The following TNS3 variants were observed in gnomAD, a reference collection of about 807,000 sequenced individuals.
TNS3 encodes tensin-3.
Under a neutral mutation model 140.9 loss-of-function variants are expected in TNS3, and 45 were observed. The ratio of observed to expected loss-of-function variants is 0.32; its 90% CI spans 0.25 to 0.41. TNS3 has a LOEUF of 0.41. Ranked by LOEUF, TNS3 falls within the 10% of genes least tolerant of loss-of-function variation. The pLI is 1.00. For synonymous variants in TNS3, 815 were observed against 788.4 expected (o/e 1.03, Z -0.56); for missense variants, 1,716 against 1,906.7 (o/e 0.90, Z 1.86).
intron 23 of TNS3, among the ~76,000 whole-genome samples, chr7:47,297,690 C>T (rs188412718): frequency 5.3e-5 from 8 of 152,200 alleles, no homozygotes; most frequent in Admixed American, 3.9e-4. Context: ...CGCAGAACAC[C>T]CTGCCTCTGC....
chr7:47,447,248 A>ATGTTTGTT (rs3037478), intron 4 of TNS3, among the ~76,000 whole-genome samples: 9,407 of 149,128 alleles, frequency 0.063, 360 homozygotes, highest in Non-Finnish European at 0.073. Flanking sequence ...GGTTCCACAT[A>ATGTTTGTT]TGTTTGTTTG....
At chr7:47,503,569 A>C (rs1369534144) in intron 3 of TNS3, among the ~76,000 whole-genome samples, 1 of 140,298 alleles carries the variant, frequency 7.1e-6, no homozygotes, top group Non-Finnish European at 1.5e-5. Context: ...AAGTGATTGT[A>C]CATACATTAT....
Position 47,447,877 on chromosome 7 carries a change from G to A in TNS3, c.-75-5822C>T, listed in dbSNP as rs553428211. Among the ~76,000 whole-genome samples, 3 of 152,340 alleles carry A rather than the reference G, an allele frequency of 2.0e-5. No homozygotes were observed. The East Asian group carries it at 5.8e-4, about 29-fold the overall frequency. ...AGAACCATGCTTTCCACTGTGAACT[G>A]CGGCTTCTTGCTCAGGAGGACAGCC... On this transcript the variant is annotated intron_variant, in intron 4 of 30. Coordinates refer to ENST00000311160, the MANE Select transcript of TNS3 (RefSeq NM_022748.12).
intron 1 of TNS3, among the ~76,000 whole-genome samples, chr7:47,555,550 CT>C (rs1233228365): frequency 6.6e-6 from 1 of 152,176 alleles, no homozygotes; most frequent in Non-Finnish European, 1.5e-5. Context: ...ACAGAGAAGT[CT>C]TTCATGAAGG....
intron 13 of TNS3, among the ~76,000 whole-genome samples, chr7:47,411,015 C>G (rs1475519208): frequency 6.6e-6 from 1 of 152,176 alleles, no homozygotes; most frequent in Non-Finnish European, 1.5e-5. Context: ...TGTAATTGCA[C>G]CAGCTGTATT....
At chr7:47,547,232 G>T (rs149596690) in intron 1 of TNS3, among the ~76,000 whole-genome samples, 3,292 of 152,290 alleles carry the variant, frequency 0.022, 63 homozygotes, top group Middle Eastern at 0.041. Context: ...AGAGGCTCAG[G>T]AGCAAAGGGT....
chr7:47,514,603 A>C (rs1798718947), intron 2 of TNS3, among the ~76,000 whole-genome samples: 1 of 147,052 alleles, frequency 6.8e-6, no homozygotes. Flanking sequence ...TCCTTTCTCA[A>C]CTCTCATCTC....
At chr7:47,540,532 T>C (rs915749944) in intron 1 of TNS3, among the ~76,000 whole-genome samples, 2 of 152,098 alleles carry the variant, frequency 1.3e-5, no homozygotes, top group Non-Finnish European at 2.9e-5. Context: ...CACACGATCA[T>C]GCATTCACCC....
intron 1 of TNS3, among the ~76,000 whole-genome samples, chr7:47,569,500 C>T (rs1397748306): frequency 1.3e-5 from 2 of 151,020 alleles, no homozygotes; most frequent in African/African-American, 4.9e-5. Flanking sequence ...GCCAAGATGG[C>T]GCCACTGCAC....
At chr7:47,389,113 A>AGCG (rs1256844372) in intron 16 of TNS3, among the ~76,000 whole-genome samples, 79 of 5,178 alleles carry the variant, frequency 0.015, 26 homozygotes, top group Non-Finnish European at 0.092. Context: ...CGGAAGCAGA[A>AGCG]GAAGAAGAAG....
intron 3 of TNS3, among the ~76,000 whole-genome samples, chr7:47,488,854 T>C (rs1797706950): frequency 6.6e-6 from 1 of 152,266 alleles, no homozygotes; most frequent in East Asian, 1.9e-4. Context: ...CAAGGCTGCT[T>C]TTCCAATGGT....
chr7:47,287,607 G>T (rs2150580695), intron 27 of TNS3, among the ~76,000 whole-genome samples: 1 of 152,300 alleles, frequency 6.6e-6, no homozygotes, highest in African/African-American at 2.4e-5. Flanking sequence ...CTAAACACCT[G>T]CAGCCAATCC....
chr7:47,418,830 C>T lies in TNS3; in HGVS notation c.474-3624G>A, dbSNP rs140427383. On this transcript the variant is annotated intron_variant, in intron 10 of 30. Coordinates refer to ENST00000311160, the MANE Select transcript of TNS3 (RefSeq NM_022748.12). Reference sequence around the variant, plus strand: ...CCCTAAACATTTGAGTTGCACTAGACGTTAGCTTAAATCTGTCTGAAATGG... The same window carrying T: ...CCCTAAACATTTGAGTTGCACTAGATGTTAGCTTAAATCTGTCTGAAATGG... 1.5e-3 allele frequency among the ~76,000 whole-genome samples: 221 copies of T among 152,390 alleles called. 3 individuals are homozygous for T. Among genetic ancestry groups the T allele is most frequent in the African/African-American group, 4.8e-3 (201 of 41,590 alleles).
At chr7:47,534,020 T>A (rs1421690063) in intron 1 of TNS3, among the ~76,000 whole-genome samples, 1 of 152,152 alleles carries the variant, frequency 6.6e-6, no homozygotes, top group Non-Finnish European at 1.5e-5. Context: ...ATGCCTGTAA[T>A]CCCAGCATTT....
intron 23 of TNS3, 112 bp from the exon 24 acceptor site, chr7:47,297,325 G>A: frequency 1.5e-6 from 2 of 1,322,682 alleles, no homozygotes; most frequent in Non-Finnish European, 2.1e-6. Flanking sequence ...AACTGGATCA[G>A]TGGGGACCTG....
chr7:47,364,977 A>G (rs958198696), intron 17 of TNS3, among the ~76,000 whole-genome samples: 3 of 152,250 alleles, frequency 2.0e-5, no homozygotes, highest in Non-Finnish European at 2.9e-5. Flanking sequence ...ATGGCCCCAG[A>G]TGCCTGTCAA....
chr7:47,449,760 C>A (rs1288750335), intron 4 of TNS3, among the ~76,000 whole-genome samples: 2 of 152,196 alleles, frequency 1.3e-5, no homozygotes, highest in Non-Finnish European at 2.9e-5. Flanking sequence ...CGCCCGCCAC[C>A]ACACCCGGCT....
intron 16 of TNS3, among the ~76,000 whole-genome samples, chr7:47,370,643 C>A (rs994945369): frequency 6.6e-6 from 1 of 152,244 alleles, no homozygotes; most frequent in East Asian, 1.9e-4. Context: ...CAAGAGCCTC[C>A]TAAAATAAGC....
At chr7:47,331,941 T>A (rs1230803257) in intron 20 of TNS3, among the ~76,000 whole-genome samples, 2 of 152,236 alleles carry the variant, frequency 1.3e-5, no homozygotes, top group African/African-American at 4.8e-5. Context: ...GGGGGGCACC[T>A]TGGTAATGCC....
Sources: allele counts gnomAD v4.1 joint callset (sites outside exome capture counted in the v4.1 genomes callset), GRCh38; gene constraint gnomAD v4.1.1; transcripts MANE v1.5; gene names NCBI Gene and HGNC (gene_info 2026-07-23, HGNC 2026-07-21).